The following TGIF1 variants were observed in gnomAD, a reference collection of about 807,000 sequenced individuals.
TGIF1 encodes the protein homeobox protein TGIF1.
TGIF1 carries 4 observed loss-of-function variants against 19.3 expected under a neutral mutation model. The ratio of observed to expected loss-of-function variants is 0.21; its 90% CI spans 0.10 to 0.47. The LOEUF (loss-of-function observed/expected upper bound fraction) is 0.47, where lower values mean the gene tolerates loss of function less well. Ranked by LOEUF, TGIF1 falls within the 20% of genes least tolerant of loss-of-function variation. The pLI, the probability that TGIF1 is intolerant of heterozygous loss-of-function variation, is 0.98. For synonymous variants in TGIF1, 122 were observed against 129.3 expected (o/e 0.94, Z 0.38); for missense variants, 275 against 341.4 (o/e 0.81, Z 1.53).
intron 2 of TGIF1, among the ~76,000 whole-genome samples, chr18:3,423,037 G>A (rs966704308): frequency 1.6e-4 from 25 of 152,024 alleles, no homozygotes; most frequent in African/African-American, 6.0e-4. Flanking sequence ...TCTAGGTTTA[G>A]ATAGATCAAT....
In TGIF1 at chr18:3,458,331, T is replaced by A. The variant is rs535121145; in HGVS notation, c.*391T>A. Reference sequence around the variant, plus strand: ...CACATACTGTCTAATTAATAAATTTTCCATTTTTTTTCAAACAAGTATGAA... The same window carrying A: ...CACATACTGTCTAATTAATAAATTTACCATTTTTTTTCAAACAAGTATGAA... On this transcript the variant is annotated 3_prime_UTR_variant, in exon 3 of 3. Transcript: ENST00000343820. The A allele has an allele frequency of 5.8e-6, 1 of 171,470 alleles. No individual in the cohort carries two copies. The highest frequency in any genetic ancestry group is 1.4e-4 in the South Asian group (1 of 6,904). The allele number at this position is 171,470 out of a possible 1,614,324, so 10.6% of individuals were successfully genotyped here.
Position 3,457,412 on chromosome 18 carries a change from G to A in TGIF1, c.291G>A (p.Met97Ile). The change falls in exon 3 of 3, where the codon ATG (methionine) becomes ATA (isoleucine). Residue 97 changes from methionine (M) to isoleucine (I), a missense_variant. Transcript: ENST00000343820. The surrounding 1 kb of genome is among the most constrained non-coding windows in gnomAD (Gnocchi z 4.9). ...INARRRLLPD[M>I]LRKDGKDPNQ... The stretch of plus-strand genomic sequence containing the variant: ...CCCGCCGCAGGCTCCTCCCTGACAT[G>A]CTGAGAAAGGATGGCAAAGATCCAA... The A allele has an allele frequency of 6.2e-7, 1 of 1,614,220 alleles. No homozygotes were observed. The highest frequency in any genetic ancestry group is 8.5e-7 in the Non-Finnish European group (1 of 1,180,040).
In TGIF1 at chr18:3,458,062, T is replaced by C; in HGVS notation, c.*122T>C. 1.2e-6 allele frequency: 1 copy of C among 863,360 alleles called. No homozygotes were observed. Among genetic ancestry groups the C allele is most frequent in the Non-Finnish European group, 1.8e-6 (1 of 549,418 alleles). The allele number at this position is 863,360 out of a possible 1,614,324, so 53.5% of individuals were successfully genotyped here. ...TGCACATGGGATTGCTAAAACAGCTTCCTGTTACTGAGATGTCTTCAATGG... is the reference window on the plus strand; with the variant it reads ...TGCACATGGGATTGCTAAAACAGCTCCCTGTTACTGAGATGTCTTCAATGG... On this transcript the variant is annotated 3_prime_UTR_variant, in exon 3 of 3. Transcript: ENST00000343820.
At chr18:3,412,580 T>G (rs550515543) in intron 1 of TGIF1, among the ~76,000 whole-genome samples, 2 of 152,274 alleles carry the variant, frequency 1.3e-5, no homozygotes, top group Non-Finnish European at 2.9e-5. Flanking sequence ...GGAGGTGGTA[T>G]GAGTAATTTT....
In TGIF1 at chr18:3,451,598, C is replaced by T. The variant is rs2082935367; in HGVS notation, c.16+1093C>T. The T allele has an allele frequency of 9.5e-7, 1 of 1,051,950 alleles. No individual in the cohort carries two copies. The highest frequency in any genetic ancestry group is 1.1e-6 in the Non-Finnish European group (1 of 874,064). The allele number at this position is 1,051,950 out of a possible 1,614,324, so 65.2% of individuals were successfully genotyped here. On this transcript the variant is annotated intron_variant, in intron 1 of 2. Transcript: ENST00000343820. The surrounding 1 kb of genome is among the most constrained non-coding windows in gnomAD (Gnocchi z 5.4). ...CGCCTGGAGTTTGGAACTCCACATT[C>T]TTTCAGACCCGGCCCGCTGCGGGGC... is the stretch of plus-strand genomic sequence containing the variant.
intron 1 of TGIF1, chr18:3,453,760 GT>G (rs2083072616): frequency 1.0e-6 from 1 of 978,884 alleles, no homozygotes; most frequent in African/African-American, 1.8e-5. Context: ...CTCAGGCCAT[GT>G]TGTGGCTTTC....
Position 3,451,432 on chromosome 18 carries a change from C to G in TGIF1, c.16+927C>G. ...TTTGAAGTTAACAAAAATTGAGTCC[C>G]TGGCTGGGAGGTCCCCCGAGTGTTC... On this transcript the variant is annotated intron_variant, in intron 1 of 2. Coordinates refer to ENST00000343820, the MANE Select transcript of TGIF1 (RefSeq NM_003244.4). This position sits in a 1 kb window ranked among gnomAD's most constrained non-coding sequence, Gnocchi z 5.4. The G allele has an allele frequency of 1.0e-6, 1 of 985,478 alleles. No individual in the cohort carries two copies. Among genetic ancestry groups the G allele is most frequent in the Non-Finnish European group, 1.2e-6 (1 of 829,940 alleles). The allele number at this position is 985,478 out of a possible 1,614,324, so 61.0% of individuals were successfully genotyped here.
chr18:3,428,571 A>C (rs2082504501), intron 2 of TGIF1, among the ~76,000 whole-genome samples: 1 of 151,672 alleles, frequency 6.6e-6, no homozygotes. Context: ...CCCCATCTCC[A>C]CTAAAATACA....
At chr18:3,441,696 G>C (rs1454205337) in intron 2 of TGIF1, among the ~76,000 whole-genome samples, 1 of 152,076 alleles carries the variant, frequency 6.6e-6, no homozygotes, top group Non-Finnish European at 1.5e-5. Flanking sequence ...TTATGTTAAG[G>C]GAGTGAAATG....
In TGIF1 at chr18:3,457,983, C is replaced by A; in HGVS notation, c.*43C>A. On this transcript the variant is annotated 3_prime_UTR_variant, in exon 3 of 3. Transcript: ENST00000343820. This position sits in a 1 kb window ranked among gnomAD's most constrained non-coding sequence, Gnocchi z 4.9. ...CAGTTCTCAGAAATGTCATGATTGC[C>A]GGGGTGAAGGCAAGAGATGAATTGC... 1 of 1,563,206 alleles carries A rather than the reference C, an allele frequency of 6.4e-7. No homozygotes were observed. Among genetic ancestry groups the A allele is most frequent in the Non-Finnish European group, 8.7e-7 (1 of 1,147,008 alleles).
intron 1 of TGIF1, chr18:3,453,900 CTT>C (rs1162315872): frequency 1.1e-6 from 1 of 950,676 alleles, no homozygotes; most frequent in Non-Finnish European, 1.3e-6. Flanking sequence ...AACCGGGAAA[CTT>C]TTCAAAAGCG....
At chr18:3,452,511 C>G (rs1444235638) in intron 1 of TGIF1, 5 of 1,387,752 alleles carry the variant, frequency 3.6e-6, no homozygotes, top group East Asian at 5.0e-5. Context: ...GGGCAGGCCT[C>G]TGAGAAGGTG....
chr18:3,424,751 C>A (rs1299968070), intron 2 of TGIF1, among the ~76,000 whole-genome samples: 1 of 152,148 alleles, frequency 6.6e-6, no homozygotes, highest in East Asian at 1.9e-4. Context: ...TACTTAATGA[C>A]CCCTCCATAA....
intron 2 of TGIF1, among the ~76,000 whole-genome samples, chr18:3,429,874 G>A (rs2082524251): frequency 2.0e-5 from 3 of 152,260 alleles, no homozygotes; most frequent in Non-Finnish European, 4.4e-5. Context: ...AAAGGCTGAG[G>A]CTGGGCACAG....
chr18:3,449,302 C>T (rs561214651), upstream of TGIF1: 7 of 754,336 alleles, frequency 9.3e-6, no homozygotes, highest in Admixed American at 1.2e-4. Context: ...GGCGTGGTCA[C>T]CCCTTAGCTA....
intron 2 of TGIF1, among the ~76,000 whole-genome samples, chr18:3,437,771 G>A (rs2082632759): frequency 6.6e-6 from 1 of 152,176 alleles, no homozygotes; most frequent in Admixed American, 6.6e-5. Context: ...CTTGGAAAAT[G>A]CATTTTGTGA....
upstream of TGIF1, chr18:3,448,175 C>A (rs554618761): frequency 2.0e-6 from 2 of 985,144 alleles, no homozygotes; most frequent in East Asian, 2.3e-4. Flanking sequence ...GCAAACAAAG[C>A]GTCTCCCCAG....
intron 2 of TGIF1, among the ~76,000 whole-genome samples, chr18:3,423,494 A>C (rs895005446): frequency 6.6e-6 from 1 of 152,034 alleles, no homozygotes; most frequent in Non-Finnish European, 1.5e-5. Context: ...CCTGGCTAAC[A>C]CGGCGAAACC....
chr18:3,448,427 A>C (rs532499950), upstream of TGIF1: 8 of 993,608 alleles, frequency 8.1e-6, no homozygotes, highest in Admixed American at 2.2e-4. Flanking sequence ...CGGGCGCAGC[A>C]GCTGATTCAT....
Sources: gnomAD v4.1 joint callset for allele counts (sites outside exome capture counted in the v4.1 genomes callset) on GRCh38, gnomAD v4.1.1 for gene constraint, Gnocchi (gnomAD v3.1) non-coding constraint, MANE v1.5 for transcripts, NCBI Gene and HGNC (gene_info 2026-07-23, HGNC 2026-07-21) for gene names.